IL1RAPL1: variants seen among roughly 807,000 people sequenced by gnomAD.
The protein encoded by IL1RAPL1 is interleukin-1 receptor accessory protein-like 1.
A neutral mutation model predicts 48.4 loss-of-function variants in IL1RAPL1; 3 were observed. The observed-to-expected ratio is 0.06, with a 90% CI of 0.03 to 0.16. IL1RAPL1 has a LOEUF of 0.16. IL1RAPL1 is among the 10% of genes least tolerant of loss of function. The pLI is 1.00. For missense variants in IL1RAPL1, 349 were observed against 530.6 expected (o/e 0.66, Z 3.36); for synonymous variants, 185 against 187.7 (o/e 0.99, Z 0.12).
At chrX:28,873,753 G>A (rs779661221) in intron 2 of IL1RAPL1, among the ~76,000 whole-genome samples, 58 of 106,585 alleles carry the variant, frequency 5.4e-4, no homozygotes, top group African/African-American at 1.6e-3. Context: ...GGATGGTCTG[G>A]ATCTCCTGAC....
intron 3 of IL1RAPL1, among the ~76,000 whole-genome samples, chrX:29,360,798 T>G (rs1290771095): frequency 8.9e-6 from 1 of 111,776 alleles, no homozygotes; most frequent in Non-Finnish European, 1.9e-5. Context: ...CAATAAATAT[T>G]TATTTAGTGA....
chrX:29,173,860 C>T (rs1375008441), intron 2 of IL1RAPL1, among the ~76,000 whole-genome samples: 1 of 111,422 alleles, frequency 9.0e-6, no homozygotes, highest in Non-Finnish European at 1.9e-5. Context: ...CATAATGCTT[C>T]CATATATGTA....
At chrX:29,087,723 T>C (rs1433159290) in intron 2 of IL1RAPL1, among the ~76,000 whole-genome samples, 1 of 112,373 alleles carries the variant, frequency 8.9e-6, no homozygotes. Context: ...ATCACATGGT[T>C]TTATTTTTAA....
intron 1 of IL1RAPL1, among the ~76,000 whole-genome samples, chrX:28,646,883 T>C (rs1014570827): frequency 8.9e-6 from 1 of 112,343 alleles, no homozygotes; most frequent in Non-Finnish European, 1.9e-5. Context: ...TGCCTTTGCA[T>C]GGCCCTTGCA....
At chrX:29,895,012 C>CG (rs1181822358) in intron 6 of IL1RAPL1, among the ~76,000 whole-genome samples, 3 of 108,425 alleles carry the variant, frequency 2.8e-5, no homozygotes, top group South Asian at 4.2e-4. Context: ...TCAGTAGAGA[C>CG]GGGGTTTCAC....
At chrX:29,462,925 A>G (rs1012527935) in intron 5 of IL1RAPL1, among the ~76,000 whole-genome samples, 1 of 111,747 alleles carries the variant, frequency 8.9e-6, no homozygotes, top group Non-Finnish European at 1.9e-5. Flanking sequence ...GGAGCTTGAC[A>G]TTTAATATTG....
chrX:29,322,990 T>C (rs1053276460), intron 3 of IL1RAPL1, among the ~76,000 whole-genome samples: 6 of 112,054 alleles, frequency 5.4e-5, no homozygotes, highest in African/African-American at 1.9e-4. Context: ...CCCTCAGATA[T>C]GAATGCTCTT....
chrX:29,456,977 T>A (rs1423368377), intron 5 of IL1RAPL1, among the ~76,000 whole-genome samples: 1 of 108,852 alleles, frequency 9.2e-6, no homozygotes, highest in African/African-American at 3.4e-5. Flanking sequence ...TACAAAAAGA[T>A]AAAAAATTTA....
At chrX:29,649,293 A>G in intron 5 of IL1RAPL1, among the ~76,000 whole-genome samples, 1 of 112,056 alleles carries the variant, frequency 8.9e-6, no homozygotes, top group Middle Eastern at 4.6e-3. Context: ...AGGACACAAC[A>G]ACAACAGAAA....
intron 1 of IL1RAPL1, among the ~76,000 whole-genome samples, chrX:28,701,513 C>G (rs1001471559): frequency 3.6e-5 from 4 of 112,013 alleles, no homozygotes; most frequent in African/African-American, 1.3e-4. Flanking sequence ...TTGCAAACTC[C>G]ATAAAGCAAC....
intron 1 of IL1RAPL1, among the ~76,000 whole-genome samples, chrX:28,639,498 C>T (rs764180684): frequency 8.9e-6 from 1 of 111,859 alleles, no homozygotes; most frequent in Non-Finnish European, 1.9e-5. Context: ...GAATTGGCTG[C>T]TCAGTCACAT....
intron 1 of IL1RAPL1, among the ~76,000 whole-genome samples, chrX:28,637,369 C>T (rs920997957): frequency 4.5e-5 from 5 of 111,446 alleles, no homozygotes; most frequent in African/African-American, 1.6e-4. Context: ...ATATAAAATC[C>T]CAGTCACTTT....
intron 6 of IL1RAPL1, among the ~76,000 whole-genome samples, chrX:29,701,948 T>A (rs1201542247): frequency 1.8e-5 from 2 of 111,323 alleles, no homozygotes; most frequent in Admixed American, 9.5e-5. Flanking sequence ...AAAAAGACCA[T>A]CTGGAGACAT....
At chrX:28,969,379 A>G (rs1924999167) in intron 2 of IL1RAPL1, among the ~76,000 whole-genome samples, 1 of 111,007 alleles carries the variant, frequency 9.0e-6, no homozygotes, top group African/African-American at 3.3e-5. Flanking sequence ...TCTCATTCTC[A>G]AGAGACTTGG....
At chrX:29,186,743 T>G (rs1392892724) in intron 2 of IL1RAPL1, among the ~76,000 whole-genome samples, 1 of 111,765 alleles carries the variant, frequency 8.9e-6, no homozygotes, top group African/African-American at 3.2e-5. Context: ...ATGACAGATA[T>G]TCTATGTGGT....
intron 2 of IL1RAPL1, among the ~76,000 whole-genome samples, chrX:29,188,024 CTCTT>C (rs1317316003): frequency 8.9e-6 from 1 of 112,085 alleles, no homozygotes; most frequent in East Asian, 2.8e-4. Context: ...GCATATTCCT[CTCTT>C]TGTAAATGAA....
chrX:28,616,196 C>A (rs1378569511), intron 1 of IL1RAPL1, among the ~76,000 whole-genome samples: 1 of 112,079 alleles, frequency 8.9e-6, no homozygotes, highest in East Asian at 2.8e-4. Flanking sequence ...TGTAGTTTTC[C>A]TGATGTCTTT....
intron 1 of IL1RAPL1, among the ~76,000 whole-genome samples, chrX:28,686,127 C>T (rs1320372379): frequency 8.9e-6 from 1 of 111,963 alleles, no homozygotes; most frequent in South Asian, 3.7e-4. Context: ...GCACATCTTG[C>T]CCACTGTTTT....
chrX:29,911,395 TTGTGGTTC>T (rs1200374154), intron 6 of IL1RAPL1, among the ~76,000 whole-genome samples: 1 of 111,666 alleles, frequency 9.0e-6, no homozygotes, highest in Admixed American at 9.5e-5. Context: ...CTAAAATTGA[TTGTGGTTC>T]TGATTGTACA....
Sources: gnomAD v4.1 joint callset for allele counts (sites outside exome capture counted in the v4.1 genomes callset) on GRCh38, gnomAD v4.1.1 for gene constraint, MANE v1.5 for transcripts, NCBI Gene and HGNC (gene_info 2026-07-23, HGNC 2026-07-21) for gene names.